Variants in VAV2 observed in about 807,000 individuals in gnomAD.
VAV2 encodes the protein vav guanine nucleotide exchange factor 2.
In VAV2, 67 loss-of-function variants were observed where a neutral mutation model predicts 132.5. The observed-to-expected ratio is 0.51, with a 90% CI of 0.42 to 0.62. The LOEUF is 0.62. Among genes scored for constraint, VAV2 ranks in the 20% least tolerant of loss-of-function variants. The pLI is 0.00. For missense variants in VAV2, 938 were observed against 1,153.6 expected (o/e 0.81, Z 2.71); for synonymous variants, 492 against 443.5 (o/e 1.11, Z -1.37).
chr9:133,960,550 G>C, intron 1 of VAV2, among the ~76,000 whole-genome samples: 1 of 152,322 alleles, frequency 6.6e-6, no homozygotes, highest in East Asian at 1.9e-4. Flanking sequence ...AATAGCGGCC[G>C]CCAATTATTT....
At position 133,883,470 on chromosome 9, in the gene VAV2, C is replaced by T. The variant is rs1009875123; in HGVS notation, c.322-22038G>A. On this transcript the variant is annotated intron_variant, in intron 2 of 29. Transcript: ENST00000371850. The surrounding 1 kb of genome is among the most constrained non-coding windows in gnomAD (Gnocchi z 4.2). ...GCAGCAGCTCAGCCACTTAAAAATT[C>T]GTCGGAACATGTTGAAACAATGAGG... Among the ~76,000 whole-genome samples, 3 of 152,110 alleles carry T rather than the reference C, an allele frequency of 2.0e-5. No individual in the cohort carries two copies. The highest frequency in any genetic ancestry group is 7.2e-5 in the African/African-American group (3 of 41,404).
intron 4 of VAV2, among the ~76,000 whole-genome samples, chr9:133,815,023 C>A (rs1162223670): frequency 6.6e-6 from 1 of 152,106 alleles, no homozygotes; most frequent in Non-Finnish European, 1.5e-5. Flanking sequence ...ATCCACTGAT[C>A]CCGGGATGGA....
intron 2 of VAV2, among the ~76,000 whole-genome samples, chr9:133,904,969 G>C (rs1839588575): frequency 6.6e-6 from 1 of 152,236 alleles, no homozygotes; most frequent in African/African-American, 2.4e-5. Context: ...GGGATGCAGG[G>C]AGCGCTTGGG....
intron 9 of VAV2, among the ~76,000 whole-genome samples, chr9:133,805,401 G>A (rs1303678193): frequency 6.6e-6 from 1 of 152,184 alleles, no homozygotes; most frequent in African/African-American, 2.4e-5. Flanking sequence ...CAGAGAGCTT[G>A]GCACCGTCCC....
intron 24 of VAV2, among the ~76,000 whole-genome samples, chr9:133,775,718 AC>A (rs35200501): frequency 0.39 from 59,626 of 152,106 alleles, 12,385 homozygotes; most frequent in Non-Finnish European, 0.46. Context: ...CAAATATACC[AC>A]TTTTATATAG....
intron 3 of VAV2, among the ~76,000 whole-genome samples, chr9:133,842,140 C>A (rs1476794606): frequency 6.6e-6 from 1 of 152,248 alleles, no homozygotes; most frequent in Non-Finnish European, 1.5e-5. Flanking sequence ...AGCCATCATG[C>A]ACAGAGTCTA....
chr9:133,878,719 C>CA (rs1235910547), intron 2 of VAV2, among the ~76,000 whole-genome samples: 1 of 152,208 alleles, frequency 6.6e-6, no homozygotes, highest in Non-Finnish European at 1.5e-5. Flanking sequence ...GCAGGGGGAT[C>CA]CCCCAAGCAG....
chr9:133,780,824 C>T, intron 19 of VAV2, 114 bp from the exon 20 acceptor site: 1 of 1,163,028 alleles, frequency 8.6e-7, no homozygotes, highest in Non-Finnish European at 1.1e-6. Flanking sequence ...GGTAAGTGAG[C>T]CAAGCTACAA....
At chr9:133,827,619 A>G (rs74196904) in intron 4 of VAV2, among the ~76,000 whole-genome samples, 402 of 26,278 alleles carry the variant, frequency 0.015, 20 homozygotes, top group Admixed American at 0.021. Flanking sequence ...GTGCCCACTG[A>G]GGCTGACCAC....
Position 133,804,535 on chromosome 9 carries a change from A to G in VAV2, c.836+1546T>C, listed in dbSNP as rs557069538. The stretch of plus-strand genomic sequence containing the variant: ...GGAGGCTCCTGGGAGAGGACAGGTT[A>G]TCCACCCTGTCACTCTACCACACAG... On this transcript the variant is annotated intron_variant, in intron 9 of 29. Transcript: ENST00000371850. This position sits in a 1 kb window ranked among gnomAD's most constrained non-coding sequence, Gnocchi z 4.5. Among the ~76,000 whole-genome samples, 5 of 152,292 alleles carry G rather than the reference A, an allele frequency of 3.3e-5. No individual in the cohort carries two copies. In the East Asian group the frequency reaches 7.7e-4, roughly 24 times the overall value.
intron 3 of VAV2, among the ~76,000 whole-genome samples, chr9:133,859,173 T>G (rs1298804967): frequency 6.6e-6 from 1 of 152,120 alleles, no homozygotes; most frequent in African/African-American, 2.4e-5. Flanking sequence ...AGGACACACA[T>G]GCAGGACAGA....
At chr9:133,903,588 A>G (rs1199004049) in intron 2 of VAV2, among the ~76,000 whole-genome samples, 9 of 152,194 alleles carry the variant, frequency 5.9e-5, no homozygotes, top group African/African-American at 2.2e-4. Flanking sequence ...TCAGGACACA[A>G]AGTCGGACAT....
rs565004006 is a variant in VAV2, at chr9:133,973,985, C to T, written c.204+18090G>A. On this transcript the variant is annotated intron_variant, in intron 1 of 29. Transcript: ENST00000371850. ...AGAGTCCTGACCCCAGATTACCAGG[C>T]CAGGAAGGTGGGGGCTGGGGTGTTG... 5.3e-5 allele frequency among the ~76,000 whole-genome samples: 8 copies of T among 152,286 alleles called. No individual in the cohort carries two copies. In the South Asian group the frequency reaches 1.7e-3, roughly 32 times the overall value.
chr9:133,828,595 G>A (rs75145076), intron 4 of VAV2, among the ~76,000 whole-genome samples: 4,234 of 152,002 alleles, frequency 0.028, 206 homozygotes, highest in African/African-American at 0.098. Flanking sequence ...TCTACCGTGC[G>A]GAGAAACACT....
At chr9:133,974,785 C>CACCCAGCACTGT (rs1842453843) in intron 1 of VAV2, among the ~76,000 whole-genome samples, 1 of 152,160 alleles carries the variant, frequency 6.6e-6, no homozygotes, top group South Asian at 2.1e-4. Flanking sequence ...CCCAGCACTG[C>CACCCAGCACTGT]ACCATGGACA....
chr9:133,979,464 A>G (rs1314027259), intron 1 of VAV2, among the ~76,000 whole-genome samples: 3 of 152,178 alleles, frequency 2.0e-5, no homozygotes, highest in Non-Finnish European at 4.4e-5. Context: ...GGGCTGCATG[A>G]GGACGGCTCG....
chr9:133,934,061 T>G (rs1010008992), intron 2 of VAV2, among the ~76,000 whole-genome samples: 2 of 136,578 alleles, frequency 1.5e-5, no homozygotes, highest in Non-Finnish European at 1.5e-5. Flanking sequence ...GATGAATGAT[T>G]GATGGATAGA....
intron 2 of VAV2, among the ~76,000 whole-genome samples, chr9:133,897,743 A>G (rs976082081): frequency 2.6e-5 from 4 of 152,184 alleles, no homozygotes; most frequent in African/African-American, 7.2e-5. Flanking sequence ...CCTAAGGTCA[A>G]GATAATGCCA....
At chr9:133,895,922 T>TA (rs1839181436) in intron 2 of VAV2, among the ~76,000 whole-genome samples, 1 of 140,986 alleles carries the variant, frequency 7.1e-6, no homozygotes, top group Non-Finnish European at 1.5e-5. Flanking sequence ...GCAGCCACAC[T>TA]AAAATCTTTT....
Sources: gnomAD v4.1 joint callset for allele counts (sites outside exome capture counted in the v4.1 genomes callset) on GRCh38, gnomAD v4.1.1 for gene constraint, Gnocchi (gnomAD v3.1) non-coding constraint, MANE v1.5 for transcripts, NCBI Gene and HGNC (gene_info 2026-07-23, HGNC 2026-07-21) for gene names.